Variants in TJP1 observed in about 807,000 individuals in gnomAD.
TJP1 encodes tight junction protein ZO-1.
In TJP1, 43 loss-of-function variants were observed where a neutral mutation model predicts 194.2. The ratio of observed to expected loss-of-function variants is 0.22; its 90% CI spans 0.17 to 0.29. TJP1 has a LOEUF of 0.29. TJP1 is among the 10% of genes least tolerant of loss of function. TJP1 has a pLI of 1.00. For missense variants in TJP1, 1,971 were observed against 2,185.7 expected, an observed-to-expected ratio of 0.90 and a Z score of 1.96; for synonymous variants, 801 against 779.0, an observed-to-expected ratio of 1.03 and a Z score of -0.47.
chr15:29,952,964 T>C (rs1035359948), intron 2 of TJP1, among the ~76,000 whole-genome samples: 1 of 152,148 alleles, frequency 6.6e-6, no homozygotes, highest in Non-Finnish European at 1.5e-5. Context: ...CCAAATACCT[T>C]CCCTTCAGAC....
chr15:29,716,854 T>C lies in TJP1; in HGVS notation c.3975-16A>G, dbSNP rs375511618. On this transcript the variant is annotated splice_polypyrimidine_tract_variant and intron_variant, in intron 22 of 27. Coordinates refer to ENST00000614355, the MANE Select transcript of TJP1 (RefSeq NM_001330239.4). ...TTCTGGGATCCTAACAGATAATGAA[T>C]GACAAACGGAACACCTTTTTAAATA... 1.9e-6 allele frequency: 3 copies of C among 1,572,826 alleles called. No homozygotes were observed. The highest frequency in any genetic ancestry group is 1.4e-5 in the African/African-American group (1 of 73,772).
At chr15:29,915,487 T>C (rs2054155197) in intron 2 of TJP1, among the ~76,000 whole-genome samples, 1 of 152,232 alleles carries the variant, frequency 6.6e-6, no homozygotes, top group Admixed American at 6.5e-5. Context: ...ATTGCTCTGT[T>C]ACTGGTCTTT....
chr15:29,948,199 T>A (rs1396290755), intron 2 of TJP1, among the ~76,000 whole-genome samples: 1 of 150,318 alleles, frequency 6.7e-6, no homozygotes, highest in Non-Finnish European at 1.5e-5. Flanking sequence ...CAGGCGGAGG[T>A]TGCAGTGAGG....
chr15:29,713,793 G>T (rs2042387109), intron 23 of TJP1, among the ~76,000 whole-genome samples: 1 of 152,002 alleles, frequency 6.6e-6, no homozygotes, highest in Non-Finnish European at 1.5e-5. Context: ...ACCTATATGG[G>T]AAAATGCAGC....
At chr15:29,728,915 A>C (rs1463769054) in intron 15 of TJP1, 1 of 152,188 alleles carries the variant, frequency 6.6e-6, no homozygotes, top group Non-Finnish European at 1.5e-5. Flanking sequence ...GCTGGAAAAA[A>C]AATGCTACTA....
chr15:29,716,810 T>C lies in TJP1; in HGVS notation c.4003A>G (p.Lys1335Glu), dbSNP rs2042596151. 6.2e-7 allele frequency: 1 copy of C among 1,604,132 alleles called. No homozygotes were observed. Among genetic ancestry groups the C allele is most frequent in the Non-Finnish European group, 8.5e-7 (1 of 1,171,566 alleles). ...GACCGAACAATATCTTCAGGTGGCTTCAGTTGAGGTTTTTGAGGTTCTGGG... is the reference window on the plus strand; with the variant it reads ...GACCGAACAATATCTTCAGGTGGCTCCAGTTGAGGTTTTTGAGGTTCTGGG... ...RIPEPQKPQL[K>E]PPEDIVRSNH... Residue 1335 changes from lysine (K) to glutamate (E), a missense_variant, in exon 23 of 28, where the codon AAG becomes GAG. Physicochemically the swap from Lys to Glu is moderately conservative, Grantham distance 56 (BLOSUM62 1). Coordinates refer to ENST00000614355, the MANE Select transcript of TJP1 (RefSeq NM_001330239.4).
chr15:29,880,264 G>A (rs1191869086), intron 2 of TJP1, among the ~76,000 whole-genome samples: 2 of 152,008 alleles, frequency 1.3e-5, no homozygotes, highest in Non-Finnish European at 2.9e-5. Context: ...CCTTTGTTTA[G>A]TTTATTAAAA....
intron 1 of TJP1, among the ~76,000 whole-genome samples, chr15:29,807,633 T>C (rs1025451963): frequency 2.0e-5 from 3 of 151,272 alleles, no homozygotes; most frequent in African/African-American, 7.3e-5. Flanking sequence ...AATTAAACTA[T>C]TAAAACCAAA....
At chr15:29,955,353 A>G (rs2055895842) in intron 2 of TJP1, among the ~76,000 whole-genome samples, 1 of 152,194 alleles carries the variant, frequency 6.6e-6, no homozygotes, top group Non-Finnish European at 1.5e-5. Flanking sequence ...TACAGCAAAG[A>G]AAATTCTAGT....
At chr15:29,748,770 C>G (rs923853353) in intron 8 of TJP1, among the ~76,000 whole-genome samples, 62 of 151,904 alleles carry the variant, frequency 4.1e-4, no homozygotes, top group African/African-American at 1.4e-3. Context: ...GATGGGGTTT[C>G]GCTATGTTGC....
chr15:29,767,953 T>G (rs1740983343), intron 4 of TJP1, among the ~76,000 whole-genome samples: 1 of 152,174 alleles, frequency 6.6e-6, no homozygotes, highest in Admixed American at 6.5e-5. Context: ...ACCTGAAACT[T>G]CAATCTCTTT....
intron 2 of TJP1, among the ~76,000 whole-genome samples, chr15:29,776,544 G>C (rs1210770278): frequency 6.6e-6 from 1 of 152,146 alleles, no homozygotes; most frequent in Non-Finnish European, 1.5e-5. Flanking sequence ...TCCTAAAGGA[G>C]AGTAACAATG....
chr15:29,737,790 C>G (rs1014403346), intron 10 of TJP1, among the ~76,000 whole-genome samples: 5 of 152,100 alleles, frequency 3.3e-5, no homozygotes, highest in Admixed American at 1.3e-4. Context: ...ACTGAAAAGT[C>G]AAATTTTTTA....
chr15:29,753,697 G>A (rs1286887256), intron 8 of TJP1, among the ~76,000 whole-genome samples: 10 of 151,780 alleles, frequency 6.6e-5, no homozygotes, highest in Non-Finnish European at 1.5e-4. Flanking sequence ...TGGTCACGGT[G>A]TAAGGTACAG....
chr15:29,768,359 T>C (rs1195018082), intron 4 of TJP1, among the ~76,000 whole-genome samples: 4 of 152,246 alleles, frequency 2.6e-5, no homozygotes, highest in Non-Finnish European at 5.9e-5. Context: ...GCATTCCTAA[T>C]GCTAGCTGCC....
intron 2 of TJP1, among the ~76,000 whole-genome samples, chr15:29,833,881 A>ATTTTTTTTTTTTTTT (rs10650949): frequency 2.4e-4 from 3 of 12,616 alleles, no homozygotes; most frequent in Admixed American, 1.3e-3. Context: ...ATATATATAT[A>ATTTTTTTTTTTTTTT]TTTTTTTTTT....
At chr15:29,814,174 C>T (rs1274894566) in intron 1 of TJP1, among the ~76,000 whole-genome samples, 1 of 152,154 alleles carries the variant, frequency 6.6e-6, no homozygotes, top group Admixed American at 6.5e-5. Flanking sequence ...AAACAGCAAG[C>T]CCAGGTTTAG....
Position 29,770,692 on chromosome 15 carries a change from G to A in TJP1, c.312+1372C>T, listed in dbSNP as rs12904547. 1.4e-3 allele frequency among the ~76,000 whole-genome samples: 190 copies of A among 138,404 alleles called. 2 individuals carry two copies. In the East Asian group the frequency reaches 0.03, roughly 22 times the overall value. The allele number at this position is 138,404 out of a possible 152,430, so 90.8% of individuals were successfully genotyped here. ...GAGACTCTGTCTCAAAAAAAAAAAA[G>A]AAAAAAACCAAAAAGAACCCAAAAA... On this transcript the variant is annotated intron_variant, in intron 4 of 27. Transcript: ENST00000614355.
chr15:29,889,167 T>C (rs990804615), intron 2 of TJP1, among the ~76,000 whole-genome samples: 1 of 152,198 alleles, frequency 6.6e-6, no homozygotes, highest in African/African-American at 2.4e-5. Context: ...TCATTTCAAG[T>C]GTTTATAATA....
Sources: gnomAD v4.1 joint callset for allele counts (sites outside exome capture counted in the v4.1 genomes callset) on GRCh38, gnomAD v4.1.1 for gene constraint, MANE v1.5 for transcripts, NCBI Gene and HGNC (gene_info 2026-07-23, HGNC 2026-07-21) for gene names.